Variants in ZFP82 observed in about 807,000 individuals in gnomAD.
ZFP82 encodes ZFP82 zinc finger protein, also known as zinc finger protein 82 homolog.
In ZFP82, 30 loss-of-function variants were observed where a neutral mutation model predicts 54.0. That is an observed-to-expected ratio of 0.56 (90% CI 0.42 to 0.75). ZFP82 has a LOEUF of 0.75. ZFP82 is among the 30% of genes least tolerant of loss of function. The pLI is 0.00. For missense variants in ZFP82, 500 were observed against 636.8 expected (o/e 0.79, Z 2.31); for synonymous variants, 194 against 209.5 (o/e 0.93, Z 0.64).
At chr19:36,399,105 AAAC>A (rs1332939767) in intron 4 of ZFP82, among the ~76,000 whole-genome samples, 2 of 152,218 alleles carry the variant, frequency 1.3e-5, no homozygotes, top group African/African-American at 4.8e-5. Context: ...ATAAAAATAC[AAAC>A]AACAATATCC....
At chr19:36,415,218 G>C (rs946370756) in intron 1 of ZFP82, among the ~76,000 whole-genome samples, 1 of 152,158 alleles carries the variant, frequency 6.6e-6, no homozygotes, top group African/African-American at 2.4e-5. Context: ...ATGTGCACAA[G>C]TGCACAGAAA....
rs751976206 is a variant in ZFP82 at position 36,405,611 on chromosome 19, T to C, written c.198A>G (p.Lys66=). Residue 66 remains lysine (K), a synonymous_variant, in exon 4 of 5, where the codon AAA becomes AAG. Transcript: ENST00000392161. ...ATTGTCTTCTTCCTTTCCTCACAACTTTCCAAGGCTCTTTTCCTTGCTCCA... is the reference window on the plus strand; with the variant it reads ...ATTGTCTTCTTCCTTTCCTCACAACCTTCCAAGGCTCTTTTCCTTGCTCCA... The part of the protein sequence containing the change: ...SSLEQGKEPW[K]VVRKGRRQYP... 3 of 1,611,550 alleles carry C rather than the reference T, an allele frequency of 1.9e-6. No individual in the cohort carries two copies. The highest frequency in any genetic ancestry group is 3.3e-5 in the Admixed American group (2 of 60,012).
chr19:36,397,697 C>G (rs564631086), intron 4 of ZFP82, among the ~76,000 whole-genome samples: 1 of 152,026 alleles, frequency 6.6e-6, no homozygotes, highest in Non-Finnish European at 1.5e-5. Context: ...AAGCGATTCT[C>G]CTGCCTCGGC....
chr19:36,389,808 T>C lies in ZFP82; in HGVS notation c.*2933A>G, dbSNP rs1258114190. 6.6e-6 allele frequency among the ~76,000 whole-genome samples: 1 copy of C among 152,190 alleles called. No homozygotes were observed. The highest frequency in any genetic ancestry group is 1.5e-5 in the Non-Finnish European group (1 of 68,036). On this transcript the variant is annotated 3_prime_UTR_variant, in exon 5 of 5. Coordinates refer to ENST00000392161, the MANE Select transcript of ZFP82 (RefSeq NM_133466.4). ...GCCCCTCCCAGGGCAAGCTAATGCA[T>C]AGATGATAAACTCCACTGCAAGCAT...
rs377338348 is a variant in ZFP82 at position 36,402,468 on chromosome 19, CAAAAAAA to C, written c.229+3105_229+3111del. Among the ~76,000 whole-genome samples the C allele has an allele frequency of 7.1e-4, 41 of 57,446 alleles. 2 individuals carry two copies. The highest frequency in any genetic ancestry group is 4.4e-3 in the Admixed American group (16 of 3,612). 37.7% of individuals were successfully genotyped at this position (57,446 alleles called of 152,430 possible). A position where few individuals can be genotyped will look rare whatever the true frequency, so the allele number is the denominator to read the frequency against. On this transcript the variant is annotated intron_variant, in intron 4 of 4. Transcript: ENST00000392161. ...TGGACAGAAGAGCGAGACTCCATCT[CAAAAAAA>C]AAAAAAAAAAAAGATTAGGGATAAG...
chr19:36,394,122 C>T lies in ZFP82; in HGVS notation c.230-12G>A. ...CTTGGTCTCCAAATCTAAAATAAAACAAGAAAGCAAACACATGCTGTTTTC... is the reference window on the plus strand; with the variant it reads ...CTTGGTCTCCAAATCTAAAATAAAATAAGAAAGCAAACACATGCTGTTTTC... On this transcript the variant is annotated splice_polypyrimidine_tract_variant and intron_variant, in intron 4 of 4. Transcript: ENST00000392161. The T allele has an allele frequency of 2.5e-6, 4 of 1,590,264 alleles. No individual in the cohort carries two copies. Among genetic ancestry groups the T allele is most frequent in the Non-Finnish European group, 3.4e-6 (4 of 1,173,576 alleles).
At position 36,393,199 on chromosome 19, in the gene ZFP82, G is replaced by T; in HGVS notation, c.1141C>A (p.Leu381Ile). The change falls in exon 5 of 5, where the codon CTT becomes ATT. Residue 381 changes from leucine to isoleucine, a missense_variant. Transcript: ENST00000392161. ...GTATGAATTCTGTGATGGAGAATAA[G>T]ATGATAACCACGGCTAAAGGTCTTT... ...CGKTFSRGYH[L>I]ILHHRIHTGE... 1 of 1,614,094 alleles carries T rather than the reference G, an allele frequency of 6.2e-7. No individual in the cohort carries two copies. The highest frequency in any genetic ancestry group is 8.5e-7 in the Non-Finnish European group (1 of 1,180,006).
At position 36,407,956 on chromosome 19, in the gene ZFP82, G is replaced by A; in HGVS notation, c.67C>T (p.Leu23=). 6.2e-7 allele frequency: 1 copy of A among 1,614,052 alleles called. No individual in the cohort carries two copies. Among genetic ancestry groups the A allele is most frequent in the African/African-American group, 1.3e-5 (1 of 75,044 alleles). The part of the protein sequence containing the change: ...IDFSPEEWEY[L]DLEQKDLYRD... Reference sequence around the variant, plus strand: ...TACAAGTCCTTTTGTTCCAAGTCCAGGTATTCCCACTCTTCTGGAGAGAAG... The same window carrying A: ...TACAAGTCCTTTTGTTCCAAGTCCAAGTATTCCCACTCTTCTGGAGAGAAG... The change falls in exon 3 of 5, where the codon CTG becomes TTG. Residue 23 remains leucine, a synonymous_variant. Coordinates refer to ENST00000392161, the MANE Select transcript of ZFP82 (RefSeq NM_133466.4).
At position 36,411,126 on chromosome 19, in the gene ZFP82, G is replaced by A. The variant is rs1004299744; in HGVS notation, c.-78-1259C>T. 1.1e-4 allele frequency among the ~76,000 whole-genome samples: 17 copies of A among 149,522 alleles called. No individual in the cohort carries two copies. The East Asian group carries it at 2.6e-3, about 23-fold the overall frequency. On this transcript the variant is annotated intron_variant, in intron 1 of 4. Transcript: ENST00000392161. ...GAGAATCGCTTGGACCTAGGGGGGC[G>A]GAGGTTGCAGTGAGCCGAGATTGCG...
At position 36,392,758 on chromosome 19, in the gene ZFP82, G is replaced by T; in HGVS notation, c.1582C>A (p.His528Asn). The change falls in exon 5 of 5, where the codon CAT becomes AAT. Residue 528 changes from histidine to asparagine, a missense_variant. By Grantham distance (68) the His-to-Asn change is moderately conservative (BLOSUM62 1). Transcript: ENST00000392161. ...HSHLTHHLKI[H>N]NVKI ...AGACTTTCTTAGATTTTTACATTAT[G>T]AATTTTCAGATGATGAGTAAGGTGT... 3 of 1,561,522 alleles carry T rather than the reference G, an allele frequency of 1.9e-6. No homozygotes were observed. The highest frequency in any genetic ancestry group is 2.6e-6 in the Non-Finnish European group (3 of 1,159,458).
At chr19:36,413,162 A>T (rs2967525) in intron 1 of ZFP82, among the ~76,000 whole-genome samples, 1 of 151,946 alleles carries the variant, frequency 6.6e-6, no homozygotes, top group African/African-American at 2.4e-5. Context: ...CCTGTAACCA[A>T]CACTTTGGGA....
chr19:36,394,993 A>C (rs1260657045), intron 4 of ZFP82: 1 of 152,352 alleles, frequency 6.6e-6, no homozygotes, highest in Non-Finnish European at 1.5e-5. Context: ...TAATTCCCAT[A>C]GCTACATACT....
rs771005248 is a variant in ZFP82 at position 36,400,697 on chromosome 19, C to A, written c.229+4883G>T. ...GACAATTATGCCTTTCTCTACTGCACTGATTTCCTCCACCGATAGAATCAT... is the reference window on the plus strand; with the variant it reads ...GACAATTATGCCTTTCTCTACTGCAATGATTTCCTCCACCGATAGAATCAT... On this transcript the variant is annotated intron_variant, in intron 4 of 4. Coordinates refer to ENST00000392161, the MANE Select transcript of ZFP82 (RefSeq NM_133466.4). Among the ~76,000 whole-genome samples the A allele has an allele frequency of 1.1e-3, 166 of 152,328 alleles. No individual in the cohort carries two copies. In the Middle Eastern group the frequency reaches 0.017, roughly 16 times the overall value.
Position 36,406,807 on chromosome 19 carries a change from A to G in ZFP82, c.136+1080T>C, listed in dbSNP as rs536039806. Among the ~76,000 whole-genome samples, 5 of 152,264 alleles carry G rather than the reference A, an allele frequency of 3.3e-5. No individual in the cohort carries two copies. The South Asian group carries it at 1.0e-3, about 32-fold the overall frequency. On this transcript the variant is annotated intron_variant, in intron 3 of 4. Coordinates refer to ENST00000392161, the MANE Select transcript of ZFP82 (RefSeq NM_133466.4). ...TAGTTTTTCCAAATACTCACTAATA[A>G]TTATTTTGTCTTTTGACTAATAATT...
intron 1 of ZFP82, among the ~76,000 whole-genome samples, chr19:36,411,125 C>T (rs2032573292): frequency 7.1e-6 from 1 of 141,642 alleles, no homozygotes; most frequent in South Asian, 2.3e-4. Context: ...CCTAGGGGGG[C>T]GGAGGTTGCA....
Position 36,391,623 on chromosome 19 carries a change from C to G in ZFP82, c.*1118G>C, listed in dbSNP as rs1263096378. 6.6e-6 allele frequency: 1 copy of G among 152,046 alleles called. No individual in the cohort carries two copies. The highest frequency in any genetic ancestry group is 1.5e-5 in the Non-Finnish European group (1 of 68,038). The allele number at this position is 152,046 out of a possible 1,614,324, so 9.4% of individuals were successfully genotyped here. A position where few individuals can be genotyped will look rare whatever the true frequency, so the allele number is the denominator to read the frequency against. ...AGGACTACAGGCATGCACCATTATG[C>G]CCAGCTAATTTTTAAAGTTTTTTGG... is the stretch of plus-strand genomic sequence containing the variant. On this transcript the variant is annotated 3_prime_UTR_variant, in exon 5 of 5. Transcript: ENST00000392161.
chr19:36,386,862 G>T (rs1241076585), downstream of ZFP82, among the ~76,000 whole-genome samples: 1 of 151,856 alleles, frequency 6.6e-6, no homozygotes, highest in African/African-American at 2.4e-5. Context: ...CTTGAATCTG[G>T]AGACAGAGGT....
chr19:36,405,485 A>C (rs2032464818), intron 4 of ZFP82, 95 bp downstream of exon 4: 1 of 898,862 alleles, frequency 1.1e-6, no homozygotes, highest in South Asian at 2.2e-5. Context: ...CAGACCTTTC[A>C]AGAGGGCTTT....
At chr19:36,408,367 C>T (rs752993160) in intron 2 of ZFP82, among the ~76,000 whole-genome samples, 45 of 152,126 alleles carry the variant, frequency 3.0e-4, no homozygotes, top group Admixed American at 1.0e-3. Context: ...TGAGTTCTTC[C>T]GCCCCTTTCT....
Sources: gnomAD v4.1 joint callset for allele counts (sites outside exome capture counted in the v4.1 genomes callset) on GRCh38, gnomAD v4.1.1 for gene constraint, MANE v1.5 for transcripts, NCBI Gene and HGNC (gene_info 2026-07-23, HGNC 2026-07-21) for gene names.